SLC24A4: variants seen among roughly 807,000 people sequenced by gnomAD.
The protein encoded by SLC24A4 is sodium/potassium/calcium exchanger 4.
A neutral mutation model predicts 79.0 loss-of-function variants in SLC24A4; 53 were observed. The ratio of observed to expected loss-of-function variants is 0.67; its 90% CI spans 0.54 to 0.84. SLC24A4 has a LOEUF of 0.84. Among genes scored for constraint, SLC24A4 ranks in the 40% least tolerant of loss-of-function variants. The pLI is 0.00. For missense variants in SLC24A4, 731 were observed against 822.0 expected, an observed-to-expected ratio of 0.89 and a Z score of 1.35; for synonymous variants, 323 against 323.8, an observed-to-expected ratio of 1.00 and a Z score of 0.03.
At chr14:92,424,931 A>C (rs755736136) in intron 2 of SLC24A4, among the ~76,000 whole-genome samples, 32 of 152,152 alleles carry the variant, frequency 2.1e-4, no homozygotes, top group Non-Finnish European at 3.4e-4. Context: ...TAGAATGAGA[A>C]GTCACTCACC....
At position 92,341,210 on chromosome 14, in the gene SLC24A4, G is replaced by C. The variant is rs368659711; in HGVS notation, c.241+15232G>C. On this transcript the variant is annotated intron_variant, in intron 2 of 16. Transcript: ENST00000532405. The stretch of plus-strand genomic sequence containing the variant: ...CACCTGGGAGGGAGGGGCCACTGGC[G>C]CCTTCTGTGAAATGCCCTCTGGTTG... 5.9e-4 allele frequency among the ~76,000 whole-genome samples: 90 copies of C among 152,300 alleles called. 1 individual carries two copies. The highest frequency in any genetic ancestry group is 2.0e-3 in the African/African-American group (84 of 41,564).
intron 2 of SLC24A4, among the ~76,000 whole-genome samples, chr14:92,405,896 G>A (rs1890348517): frequency 6.6e-6 from 1 of 152,058 alleles, no homozygotes; most frequent in African/African-American, 2.4e-5. Flanking sequence ...AACCAATCAT[G>A]CCTTCCCAAC....
rs911807165 is a variant in SLC24A4, at chr14:92,444,975, A to T, written c.658-342A>T. ...CACACACACACACACACACACACTT[A>T]GCTATCTTTCAGTCTTTGAGATTTC... On this transcript the variant is annotated intron_variant, in intron 7 of 16. Coordinates refer to ENST00000532405, the MANE Select transcript of SLC24A4 (RefSeq NM_153646.4). Among the ~76,000 whole-genome samples the T allele has an allele frequency of 6.1e-5, 9 of 148,490 alleles. No homozygotes were observed. In the East Asian group the frequency reaches 1.8e-3, roughly 29 times the overall value.
At chr14:92,471,348 C>T (rs963793333) in intron 12 of SLC24A4, among the ~76,000 whole-genome samples, 1 of 152,186 alleles carries the variant, frequency 6.6e-6, no homozygotes, top group Admixed American at 6.5e-5. Context: ...AATGACTTTC[C>T]TGGAAGCTCC....
chr14:92,484,332 C>T (rs1895240764), intron 13 of SLC24A4: 1 of 985,306 alleles, frequency 1.0e-6, no homozygotes, highest in South Asian at 4.7e-5. Flanking sequence ...AGTGTCCTTA[C>T]TCATGCAGCA....
At chr14:92,404,186 C>T (rs1310371664) in intron 2 of SLC24A4, among the ~76,000 whole-genome samples, 1 of 152,184 alleles carries the variant, frequency 6.6e-6, no homozygotes, top group Non-Finnish European at 1.5e-5. Context: ...TGGCATCTGT[C>T]GCTATGATCT....
chr14:92,390,090 C>T (rs1022253626), intron 2 of SLC24A4, among the ~76,000 whole-genome samples: 1 of 150,880 alleles, frequency 6.6e-6, no homozygotes, highest in Non-Finnish European at 1.5e-5. Context: ...TTCCTTATCT[C>T]AGGTCTTCCC....
intron 2 of SLC24A4, among the ~76,000 whole-genome samples, chr14:92,404,913 T>C (rs1197324172): frequency 6.6e-6 from 1 of 152,088 alleles, no homozygotes; most frequent in Admixed American, 6.6e-5. Context: ...CCTCAGTAAA[T>C]ACCTACTAGG....
At chr14:92,341,791 G>A (rs573654710) in intron 2 of SLC24A4, among the ~76,000 whole-genome samples, 104 of 152,338 alleles carry the variant, frequency 6.8e-4, no homozygotes, top group Non-Finnish European at 9.8e-4. Context: ...AGATGATTCC[G>A]TGCTGGCAGC....
intron 2 of SLC24A4, among the ~76,000 whole-genome samples, chr14:92,385,187 A>G (rs1056889779): frequency 1.6e-4 from 24 of 152,262 alleles, no homozygotes; most frequent in African/African-American, 5.5e-4. Context: ...GTGCCTACCC[A>G]TGCCTTCTGT....
intron 12 of SLC24A4, among the ~76,000 whole-genome samples, chr14:92,463,197 C>A (rs576987505): frequency 6.6e-6 from 1 of 152,220 alleles, no homozygotes; most frequent in East Asian, 1.9e-4. Flanking sequence ...CCCCATCCAC[C>A]CCCATCTTCT....
intron 2 of SLC24A4, among the ~76,000 whole-genome samples, chr14:92,386,535 C>T (rs1889168337): frequency 6.6e-6 from 1 of 152,106 alleles, no homozygotes; most frequent in African/African-American, 2.4e-5. Flanking sequence ...GGTGATGGGG[C>T]ATTATCACAG....
chr14:92,395,875 G>C (rs1286475776), intron 2 of SLC24A4, among the ~76,000 whole-genome samples: 1 of 152,066 alleles, frequency 6.6e-6, no homozygotes, highest in Admixed American at 6.5e-5. Flanking sequence ...GCCCAGGCTG[G>C]AGTGCAGTGG....
chr14:92,438,891 C>T (rs1378040651), intron 3 of SLC24A4, among the ~76,000 whole-genome samples: 5 of 152,192 alleles, frequency 3.3e-5, no homozygotes, highest in African/African-American at 7.2e-5. Context: ...AGTCCCAACC[C>T]GCTCATCCTG....
At chr14:92,488,983 G>C (rs147238236) in intron 14 of SLC24A4, among the ~76,000 whole-genome samples, 119 of 152,304 alleles carry the variant, frequency 7.8e-4, no homozygotes, top group African/African-American at 2.7e-3. Context: ...TTAGGACCAA[G>C]GGACAGATGG....
rs71877757 is a variant in SLC24A4 at position 92,448,345 on chromosome 14, T to TAC, written c.738-695_738-694dup. Among the ~76,000 whole-genome samples, 860 of 132,050 alleles carry TAC rather than the reference T, an allele frequency of 6.5e-3. 9 individuals are homozygous for TAC. Among genetic ancestry groups the TAC allele is most frequent in the African/African-American group, 0.021 (718 of 34,162 alleles). The allele number at this position is 132,050 out of a possible 152,430, so 86.6% of individuals were successfully genotyped here. A position where few individuals can be genotyped will look rare whatever the true frequency, so the allele number is the denominator to read the frequency against. On this transcript the variant is annotated intron_variant, in intron 9 of 16. Coordinates refer to ENST00000532405, the MANE Select transcript of SLC24A4 (RefSeq NM_153646.4). The stretch of plus-strand genomic sequence containing the variant: ...TGACATATATTTTTTTCCCACTACA[T>TAC]ACACACACACACACACACACACACA...
intron 12 of SLC24A4, among the ~76,000 whole-genome samples, chr14:92,479,834 C>T (rs1894962681): frequency 6.6e-6 from 1 of 152,174 alleles, no homozygotes. Context: ...CCATCTGGTC[C>T]TGGCTTTACT....
At chr14:92,354,613 A>C (rs1887072261) in intron 2 of SLC24A4, among the ~76,000 whole-genome samples, 1 of 152,230 alleles carries the variant, frequency 6.6e-6, no homozygotes, top group Non-Finnish European at 1.5e-5. Flanking sequence ...TTTTTAATAG[A>C]ATAGAATTAA....
At chr14:92,463,348 C>T (rs1279187502) in intron 12 of SLC24A4, among the ~76,000 whole-genome samples, 6 of 152,142 alleles carry the variant, frequency 3.9e-5, no homozygotes, top group African/African-American at 7.2e-5. Context: ...CTTAGCGTCT[C>T]GGCACGTTGG....
Sources: allele counts gnomAD v4.1 joint callset (sites outside exome capture counted in the v4.1 genomes callset), GRCh38; gene constraint gnomAD v4.1.1; transcripts MANE v1.5; gene names NCBI Gene and HGNC (gene_info 2026-07-23, HGNC 2026-07-21).